BBX: variants seen among roughly 807,000 people sequenced by gnomAD.
The protein encoded by BBX is BBX high mobility group box domain containing.
Under a neutral mutation model 100.2 loss-of-function variants are expected in BBX, and 30 were observed. The observed-to-expected ratio is 0.30, with a 90% CI of 0.22 to 0.41. The LOEUF (loss-of-function observed/expected upper bound fraction) is 0.41. Among genes scored for constraint, BBX ranks in the 10% least tolerant of loss-of-function variants. BBX has a pLI of 1.00. For missense variants in BBX, 1,023 were observed against 1,129.8 expected, an observed-to-expected ratio of 0.91 and a Z score of 1.35; for synonymous variants, 376 against 388.1, an observed-to-expected ratio of 0.97 and a Z score of 0.37.
intron 3 of BBX, among the ~76,000 whole-genome samples, chr3:107,701,474 T>C (rs939372486): frequency 6.6e-6 from 1 of 152,202 alleles, no homozygotes; most frequent in African/African-American, 2.4e-5. Flanking sequence ...ATGTAGCAAA[T>C]GTTCAATAAA....
intron 3 of BBX, among the ~76,000 whole-genome samples, chr3:107,672,152 A>G (rs967022701): frequency 1.3e-5 from 2 of 152,038 alleles, no homozygotes; most frequent in African/African-American, 4.8e-5. Context: ...ATTAGAGCAG[A>G]TGTATTAGAG....
At chr3:107,707,203 T>G (rs959064810) in intron 3 of BBX, among the ~76,000 whole-genome samples, 1 of 152,102 alleles carries the variant, frequency 6.6e-6, no homozygotes, top group Non-Finnish European at 1.5e-5. Context: ...GTACTAGGGG[T>G]TGCCAGCCTT....
At chr3:107,649,335 A>G (rs775226637) in intron 3 of BBX, among the ~76,000 whole-genome samples, 2 of 152,250 alleles carry the variant, frequency 1.3e-5, no homozygotes, top group Non-Finnish European at 2.9e-5. Flanking sequence ...GCAAGACACT[A>G]TAGCAAAACA....
chr3:107,713,895 C>T lies in BBX; in HGVS notation c.163-2712C>T, dbSNP rs562656599. Among the ~76,000 whole-genome samples, 10 of 151,152 alleles carry T rather than the reference C, an allele frequency of 6.6e-5. No individual in the cohort carries two copies. The South Asian group carries it at 8.4e-4, about 13-fold the overall frequency. ...TTAGTTCCCCATGTCTCTCCATTGA[C>T]GACCTGACACATTCTGATTTGTTTC... On this transcript the variant is annotated intron_variant, in intron 4 of 17. Transcript: ENST00000325805.
chr3:107,681,727 A>G (rs2059584030), intron 3 of BBX, among the ~76,000 whole-genome samples: 1 of 152,154 alleles, frequency 6.6e-6, no homozygotes, highest in African/African-American at 2.4e-5. Flanking sequence ...TACTGAGAGA[A>G]TAAAGTAGAA....
At chr3:107,593,011 C>T (rs16853679) in intron 2 of BBX, among the ~76,000 whole-genome samples, 1 of 152,036 alleles carries the variant, frequency 6.6e-6, no homozygotes, top group Admixed American at 6.6e-5. Flanking sequence ...CTTTGTACTT[C>T]TAAAAAGCTA....
chr3:107,774,428 C>G (rs914237494), intron 11 of BBX, among the ~76,000 whole-genome samples: 1 of 152,106 alleles, frequency 6.6e-6, no homozygotes, highest in African/African-American at 2.4e-5. Context: ...ACTCCCATAC[C>G]TTGGCTGGTT....
intron 2 of BBX, among the ~76,000 whole-genome samples, chr3:107,544,567 A>G (rs1442558619): frequency 1.3e-5 from 2 of 152,122 alleles, no homozygotes; most frequent in African/African-American, 4.8e-5. Context: ...TCGTTACTTT[A>G]AAAGTTATAA....
intron 2 of BBX, among the ~76,000 whole-genome samples, chr3:107,606,998 T>C (rs1329840075): frequency 6.6e-6 from 1 of 152,220 alleles, no homozygotes; most frequent in Non-Finnish European, 1.5e-5. Context: ...AATTTTTAGC[T>C]TCCCAAGATT....
chr3:107,563,578 G>A (rs961641799), intron 2 of BBX, among the ~76,000 whole-genome samples: 2 of 152,020 alleles, frequency 1.3e-5, no homozygotes, highest in African/African-American at 4.8e-5. Flanking sequence ...TACTTCACAA[G>A]TAATACATGA....
Position 107,740,637 on chromosome 3 carries a change from C to A in BBX, c.670-3993C>A, listed in dbSNP as rs79763272. Among the ~76,000 whole-genome samples, 93 of 152,180 alleles carry A rather than the reference C, an allele frequency of 6.1e-4. 1 individual carries two copies. In the East Asian group the frequency reaches 0.014, roughly 23 times the overall value. ...AGAATTCAGATTCTCCCACTATACT[C>A]CAATGCATCTTATTCTTCAGCCACA... On this transcript the variant is annotated intron_variant, in intron 7 of 17. Coordinates refer to ENST00000325805, the MANE Select transcript of BBX (RefSeq NM_001142568.3).
At chr3:107,705,883 G>T (rs578160990) in intron 3 of BBX, among the ~76,000 whole-genome samples, 1 of 152,174 alleles carries the variant, frequency 6.6e-6, no homozygotes, top group East Asian at 1.9e-4. Context: ...AAGCCTATCA[G>T]GCTCCAGTGT....
chr3:107,532,284 T>C (rs910166076), intron 2 of BBX, among the ~76,000 whole-genome samples: 28 of 152,172 alleles, frequency 1.8e-4, no homozygotes, highest in African/African-American at 6.5e-4. Flanking sequence ...AATTATGCTG[T>C]GAGTTTTATA....
At chr3:107,716,580 A>T in intron 4 of BBX, 27 bp from the exon 5 acceptor site, 1 of 1,605,342 alleles carries the variant, frequency 6.2e-7, no homozygotes, top group Non-Finnish European at 8.5e-7. Flanking sequence ...TATGTTAAAG[A>T]TCTGGCTTTG....
rs188980460 is a variant in BBX, at chr3:107,768,053, G to T, written c.907-4575G>T. 5.4e-4 allele frequency among the ~76,000 whole-genome samples: 82 copies of T among 152,256 alleles called. 1 individual carries two copies. The East Asian group carries it at 0.014, about 25-fold the overall frequency. ...CATGGGCTTCAGTGTCACTCTTTCCGCATCTGTTTCTTCTGTGGCTTTCTG... is the reference window on the plus strand; with the variant it reads ...CATGGGCTTCAGTGTCACTCTTTCCTCATCTGTTTCTTCTGTGGCTTTCTG... On this transcript the variant is annotated intron_variant, in intron 10 of 17. Transcript: ENST00000325805.
chr3:107,801,417 A>G, intron 17 of BBX, 136 bp downstream of exon 17: 1 of 870,882 alleles, frequency 1.1e-6, no homozygotes, highest in East Asian at 2.7e-5. Context: ...GAGGTATTAC[A>G]AAAGCATATA....
At chr3:107,672,978 G>C (rs553411036) in intron 3 of BBX, among the ~76,000 whole-genome samples, 48 of 152,098 alleles carry the variant, frequency 3.2e-4, no homozygotes, top group African/African-American at 1.1e-3. Flanking sequence ...CTTTCATCTT[G>C]AACAGGTTCT....
At chr3:107,754,592 T>G (rs758124203) in intron 9 of BBX, among the ~76,000 whole-genome samples, 5 of 152,232 alleles carry the variant, frequency 3.3e-5, no homozygotes, top group Non-Finnish European at 7.3e-5. Context: ...TCTTCTAGCA[T>G]GAAGCACCCA....
chr3:107,784,014 T>G (rs905006991), intron 13 of BBX, among the ~76,000 whole-genome samples: 11 of 152,042 alleles, frequency 7.2e-5, no homozygotes, highest in Admixed American at 7.2e-4. Flanking sequence ...GAGCTCTTAC[T>G]TTGTGATAAG....
Sources: gnomAD v4.1 joint callset for allele counts (sites outside exome capture counted in the v4.1 genomes callset) on GRCh38, gnomAD v4.1.1 for gene constraint, MANE v1.5 for transcripts, NCBI Gene and HGNC (gene_info 2026-07-23, HGNC 2026-07-21) for gene names.